Variants in PKHD1 observed in about 807,000 individuals in gnomAD.
PKHD1 encodes PKHD1 ciliary IPT domain containing fibrocystin/polyductin.
Under a neutral mutation model 412.0 loss-of-function variants are expected in PKHD1, and 291 were observed. The observed-to-expected ratio is 0.71, with a 90% CI of 0.64 to 0.78. The LOEUF (loss-of-function observed/expected upper bound fraction) is 0.78. Ranked by LOEUF, PKHD1 falls within the 30% of genes least tolerant of loss-of-function variation. The pLI, the probability that PKHD1 is intolerant of heterozygous loss-of-function variation, is 0.00. For synonymous variants in PKHD1, 1,777 were observed against 1,821.5 expected (o/e 0.98, Z 0.62); for missense variants, 4,825 against 4,950.7 (o/e 0.97, Z 0.76).
At position 52,050,274 on chromosome 6, in the gene PKHD1, G is replaced by A. The variant is rs140608845; in HGVS notation, c.2162C>T (p.Thr721Met). ...NVTVSQADSGTARPGGNLVES... is the reference protein window; with the variant it reads ...NVTVSQADSGMARPGGNLVES... ...CACCAGATTGCCCCCTGGGCGAGCCGTTCCAGAATCAGCTTGAGAAACTAG... is the reference window on the plus strand; with the variant it reads ...CACCAGATTGCCCCCTGGGCGAGCCATTCCAGAATCAGCTTGAGAAACTAG... Residue 721 changes from threonine to methionine, a missense_variant, in exon 22 of 67, where the codon ACG (threonine) becomes ATG (methionine). Coordinates refer to ENST00000371117, the MANE Select transcript of PKHD1 (RefSeq NM_138694.4). 1.4e-4 allele frequency: 225 copies of A among 1,614,120 alleles called. No individual in the cohort carries two copies. Among genetic ancestry groups the A allele is most frequent in the Non-Finnish European group, 3.9e-5 (46 of 1,179,978 alleles).
intron 60 of PKHD1, among the ~76,000 whole-genome samples, chr6:51,711,989 T>G (rs1196348552): frequency 6.6e-6 from 1 of 152,188 alleles, no homozygotes; most frequent in Non-Finnish European, 1.5e-5. Flanking sequence ...CATGTGAATC[T>G]AACCAACAGA....
chr6:51,700,859 G>C (rs1196194645), intron 60 of PKHD1, among the ~76,000 whole-genome samples: 1 of 152,074 alleles, frequency 6.6e-6, no homozygotes, highest in Non-Finnish European at 1.5e-5. Context: ...TAACAAGATT[G>C]TTCAGAAATG....
intron 35 of PKHD1, among the ~76,000 whole-genome samples, chr6:51,999,005 C>T (rs1023792739): frequency 7.2e-5 from 11 of 152,160 alleles, no homozygotes; most frequent in African/African-American, 2.7e-4. Flanking sequence ...GTTGCCTAAC[C>T]CTCCTACCAG....
At chr6:52,009,650 C>T (rs2128115223) in intron 35 of PKHD1, among the ~76,000 whole-genome samples, 1 of 152,208 alleles carries the variant, frequency 6.6e-6, no homozygotes, top group East Asian at 1.9e-4. Context: ...CCAAAGAGCC[C>T]TGAGCCTCTG....
In PKHD1 at chr6:52,058,461, A is replaced by T; in HGVS notation, c.1374T>A (p.His458Gln). The change falls in exon 16 of 67, where the codon CAT becomes CAA. Residue 458 changes from histidine to glutamine, a missense_variant. By Grantham distance (24) the His-to-Gln change is conservative. Transcript: ENST00000371117. ...TCCCCCTGCTTGGGGCTATCCCATG[A>T]TGCTCTGCTTCCAGGTAGTACATGG... is the stretch of plus-strand genomic sequence containing the variant. ...GGAMYYLEAE[H>Q]HGIAPSRGMR... 6.2e-7 allele frequency: 1 copy of T among 1,614,142 alleles called. No homozygotes were observed. Among genetic ancestry groups the T allele is most frequent in the Middle Eastern group, 1.6e-4 (1 of 6,062 alleles).
intron 52 of PKHD1, among the ~76,000 whole-genome samples, chr6:51,826,352 G>A (rs772963737): frequency 1.3e-5 from 2 of 152,116 alleles, no homozygotes; most frequent in Non-Finnish European, 2.9e-5. Flanking sequence ...TATACAAAAT[G>A]TAACAGTGAA....
In PKHD1 at chr6:52,017,532, C is replaced by T. The variant is rs137925439; in HGVS notation, c.5478G>A (p.Ala1826=). The change falls in exon 34 of 67, where the codon GCG becomes GCA. Residue 1826 remains alanine, a synonymous_variant. Transcript: ENST00000371117. ...GCCACGATTCAAGCAGTTGCTCTGT[C>T]GCCATGGCAACTGTCAAATCACACT... The part of the protein sequence containing the change: ...YVQCDLTVAM[A]TEQLLESWPY... 2,441 of 1,614,030 alleles carry T rather than the reference C, an allele frequency of 1.5e-3. 4 individuals carry two copies. Among genetic ancestry groups the T allele is most frequent in the Non-Finnish European group, 1.9e-3 (2,266 of 1,179,884 alleles).
At chr6:51,920,916 G>A (rs887114542) in intron 37 of PKHD1, among the ~76,000 whole-genome samples, 2 of 152,170 alleles carry the variant, frequency 1.3e-5, no homozygotes, top group African/African-American at 2.4e-5. Context: ...GTGTAGAGGT[G>A]TTTATAGTAT....
At chr6:51,738,445 C>A (rs1287919387) in intron 60 of PKHD1, among the ~76,000 whole-genome samples, 1 of 151,964 alleles carries the variant, frequency 6.6e-6, no homozygotes, top group Non-Finnish European at 1.5e-5. Flanking sequence ...AACGTGAGGA[C>A]CCTAGGTTAA....
Position 51,897,609 on chromosome 6 carries a change from C to G in PKHD1, c.6996+5988G>C, listed in dbSNP as rs1353785131. On this transcript the variant is annotated intron_variant, in intron 43 of 66. Transcript: ENST00000371117. ...ACTAGGAAGAAACTGCATCAACTAA[C>G]GAGCAAAATCACCAGCTAACATCAT... Among the ~76,000 whole-genome samples, 142 of 145,062 alleles carry G rather than the reference C, an allele frequency of 9.8e-4. No individual in the cohort carries two copies. The Middle Eastern group carries it at 0.01, about 10-fold the overall frequency.
chr6:51,814,407 AT>A (rs759103700), intron 52 of PKHD1, among the ~76,000 whole-genome samples: 67 of 152,190 alleles, frequency 4.4e-4, no homozygotes, highest in Non-Finnish European at 4.1e-4. Context: ...ATGTTTACTC[AT>A]TTACACTCTT....
intron 63 of PKHD1, among the ~76,000 whole-genome samples, chr6:51,647,327 C>T (rs1770225457): frequency 6.6e-6 from 1 of 152,174 alleles, no homozygotes; most frequent in South Asian, 2.1e-4. Flanking sequence ...CTGCTTGCTT[C>T]TCTCTAGACC....
At chr6:51,683,043 G>T (rs1489941292) in intron 60 of PKHD1, among the ~76,000 whole-genome samples, 3 of 152,038 alleles carry the variant, frequency 2.0e-5, no homozygotes, top group Admixed American at 1.3e-4. Context: ...GGATCCAGAA[G>T]AAAGAGTGAA....
chr6:51,842,792 C>T (rs1770462507), intron 50 of PKHD1, among the ~76,000 whole-genome samples: 1 of 152,178 alleles, frequency 6.6e-6, no homozygotes, highest in South Asian at 2.1e-4. Context: ...TTGGGGGACC[C>T]AGCTGCCTAA....
At chr6:51,944,239 C>T (rs1375199442) in intron 36 of PKHD1, among the ~76,000 whole-genome samples, 1 of 151,984 alleles carries the variant, frequency 6.6e-6, no homozygotes, top group African/African-American at 2.4e-5. Context: ...TTTGTGACCC[C>T]CACTCCTACA....
intron 52 of PKHD1, among the ~76,000 whole-genome samples, chr6:51,807,373 G>C (rs1763926690): frequency 6.7e-6 from 1 of 149,188 alleles, no homozygotes; most frequent in South Asian, 2.1e-4. Flanking sequence ...GGGAGGCAGA[G>C]GTTGCAGTGA....
At position 51,906,285 on chromosome 6, in the gene PKHD1, C is replaced by T; in HGVS notation, c.6738G>A (p.Met2246Ile). The T allele has an allele frequency of 6.2e-7, 1 of 1,609,484 alleles. No individual in the cohort carries two copies. The highest frequency in any genetic ancestry group is 1.1e-5 in the South Asian group (1 of 91,004). The change falls in exon 41 of 67, where the codon ATG becomes ATA. Residue 2246 changes from methionine (M) to isoleucine (I), a missense_variant. By Grantham distance (10) the Met-to-Ile change is conservative. Transcript: ENST00000371117. The part of the protein sequence containing the change: ...VRNSFSRGLS[M>I]CGTLGLKVDS... ...CCACCTTCAGGCCCAAGGTCCCGCACATGCTGAGGCCTCTACTGAAGGAGT... is the reference window on the plus strand; with the variant it reads ...CCACCTTCAGGCCCAAGGTCCCGCATATGCTGAGGCCTCTACTGAAGGAGT...
chr6:51,862,941 AT>A (rs1461750197), intron 48 of PKHD1, among the ~76,000 whole-genome samples: 2 of 152,188 alleles, frequency 1.3e-5, no homozygotes, highest in East Asian at 3.8e-4. Context: ...CTTGCCAGGC[AT>A]TTGTTTCTCA....
chr6:52,066,025 G>A lies in PKHD1; in HGVS notation c.831C>T (p.Ile277=), dbSNP rs142678486. 1.8e-5 allele frequency: 29 copies of A among 1,603,802 alleles called. No homozygotes were observed. The African/African-American group carries it at 3.8e-4, about 21-fold the overall frequency. ...TGTCAAAAAAGTCTCCTGTAATTGT[G>A]ATGTTTGTTCTTCCCCCAAGGCTCC... ...ETGSLGGRTN[I]TITGDFFDNS... The change falls in exon 12 of 67, where the codon ATC becomes ATT. Residue 277 remains isoleucine (I), a synonymous_variant. Transcript: ENST00000371117.
Sources: allele counts gnomAD v4.1 joint callset (sites outside exome capture counted in the v4.1 genomes callset), GRCh38; gene constraint gnomAD v4.1.1; transcripts MANE v1.5; gene names NCBI Gene and HGNC (gene_info 2026-07-23, HGNC 2026-07-21).